The following ABCA13 variants were observed in gnomAD, a reference collection of about 807,000 sequenced individuals.
ABCA13 encodes ATP binding cassette subfamily A member 13.
Under a neutral mutation model 478.7 loss-of-function variants are expected in ABCA13, and 476 were observed. The ratio of observed to expected loss-of-function variants is 0.99; its 90% CI spans 0.92 to 1.07. The LOEUF is 1.07. ABCA13 is among the 50% of genes least tolerant of loss of function. The pLI, the probability that ABCA13 is intolerant of heterozygous loss-of-function variation, is 0.00. For synonymous variants in ABCA13, 2,252 were observed against 2,158.9 expected, an observed-to-expected ratio of 1.04 and a Z score of -1.20; for missense variants, 6,060 against 5,910.6, an observed-to-expected ratio of 1.03 and a Z score of -0.83.
chr7:48,511,591 C>A (rs1831689806), intron 51 of ABCA13, among the ~76,000 whole-genome samples: 1 of 152,136 alleles, frequency 6.6e-6, no homozygotes, highest in South Asian at 2.1e-4. Flanking sequence ...TTCTCCTCTC[C>A]TCTAATATTA....
intron 43 of ABCA13, among the ~76,000 whole-genome samples, chr7:48,458,513 G>A (rs1267172608): frequency 6.6e-6 from 1 of 152,178 alleles, no homozygotes; most frequent in Non-Finnish European, 1.5e-5. Flanking sequence ...GCTTTGTGCT[G>A]ATTTGGAAGA....
At chr7:48,437,137 C>T (rs1375609047) in intron 42 of ABCA13, among the ~76,000 whole-genome samples, 1 of 151,916 alleles carries the variant, frequency 6.6e-6, no homozygotes, top group Non-Finnish European at 1.5e-5. Context: ...CCTACTATTA[C>T]TATAGTGCTA....
intron 48 of ABCA13, among the ~76,000 whole-genome samples, chr7:48,503,088 G>A (rs912264647): frequency 2.6e-5 from 4 of 152,136 alleles, no homozygotes; most frequent in South Asian, 2.1e-4. Flanking sequence ...ACTTATGTAT[G>A]TATTTATTTA....
At chr7:48,310,604 A>G (rs989233172) in intron 24 of ABCA13, among the ~76,000 whole-genome samples, 1 of 152,118 alleles carries the variant, frequency 6.6e-6, no homozygotes, top group Non-Finnish European at 1.5e-5. Context: ...GGAAGCATCC[A>G]GCTCTGCCAG....
chr7:48,243,476 A>G (rs552548500), intron 10 of ABCA13, among the ~76,000 whole-genome samples: 19 of 152,330 alleles, frequency 1.2e-4, no homozygotes, highest in Non-Finnish European at 2.6e-4. Flanking sequence ...GAGTCTGGTC[A>G]GCAGCCAGAA....
At chr7:48,563,965 A>G (rs1786752780) in intron 55 of ABCA13, among the ~76,000 whole-genome samples, 1 of 152,072 alleles carries the variant, frequency 6.6e-6, no homozygotes, top group Non-Finnish European at 1.5e-5. Flanking sequence ...CAGGGACTAT[A>G]TTAACTCTTC....
In ABCA13 at chr7:48,248,226, T is replaced by C; in HGVS notation, c.1660-13T>C. 6.2e-7 allele frequency: 1 copy of C among 1,606,242 alleles called. No homozygotes were observed. The highest frequency in any genetic ancestry group is 8.5e-7 in the Non-Finnish European group (1 of 1,173,778). ...TTTATTTATTATAAGCAATATCTTC[T>C]TTTCTTGTTAAGGATCGTATTTTGC... On this transcript the variant is annotated splice_polypyrimidine_tract_variant and intron_variant, in intron 13 of 61. Transcript: ENST00000435803.
chr7:48,350,080 G>A (rs1050182207), intron 29 of ABCA13, among the ~76,000 whole-genome samples: 2 of 152,160 alleles, frequency 1.3e-5, no homozygotes, highest in Non-Finnish European at 2.9e-5. Flanking sequence ...AAGGTGTTGC[G>A]ACTTTACTCT....
chr7:48,594,513 C>A (rs6954644), intron 57 of ABCA13, among the ~76,000 whole-genome samples, 197 bp from the exon 58 acceptor site: 117,279 of 151,924 alleles, frequency 0.77, 46,068 homozygotes, highest in African/African-American at 0.92. Context: ...GGAGTCAGGC[C>A]CTCACTCATT....
chr7:48,249,394 C>A, intron 15 of ABCA13, 43 bp downstream of exon 15: 1 of 1,603,674 alleles, frequency 6.2e-7, no homozygotes, highest in Non-Finnish European at 8.5e-7. Context: ...GATGCTTTCC[C>A]CTTTTAGTGA....
At position 48,597,025 on chromosome 7, in the gene ABCA13, C is replaced by T; in HGVS notation, c.14744+2212C>T. ...GGAGTGCAGTGGCACGATCTTGGCT[C>T]ACTGCAAGCTCCGCCTCCTGGGTTC... On this transcript the variant is annotated intron_variant, in intron 58 of 61. Transcript: ENST00000435803. Among the ~76,000 whole-genome samples, 2 of 151,398 alleles carry T rather than the reference C, an allele frequency of 1.3e-5. 1 individual carries two copies. Among genetic ancestry groups the T allele is most frequent in the Middle Eastern group, 6.4e-3 (2 of 314 alleles).
chr7:48,313,571 C>T (rs933720245), intron 25 of ABCA13, among the ~76,000 whole-genome samples: 10 of 152,194 alleles, frequency 6.6e-5, no homozygotes, highest in African/African-American at 2.4e-4. Flanking sequence ...GAGCAAATTG[C>T]TTTCAAAAAC....
chr7:48,619,721 G>T (rs1156253486), intron 59 of ABCA13, among the ~76,000 whole-genome samples: 1 of 152,150 alleles, frequency 6.6e-6, no homozygotes, highest in Non-Finnish European at 1.5e-5. Flanking sequence ...GAAAAGCCGA[G>T]AAATCAAAGA....
At chr7:48,342,821 G>A (rs1030999414) in intron 29 of ABCA13, among the ~76,000 whole-genome samples, 4 of 151,620 alleles carry the variant, frequency 2.6e-5, no homozygotes, top group African/African-American at 7.3e-5. Flanking sequence ...TTTTTTAATC[G>A]ACAAATTCTC....
intron 27 of ABCA13, among the ~76,000 whole-genome samples, chr7:48,327,119 A>G (rs1203850095): frequency 1.3e-5 from 2 of 152,198 alleles, no homozygotes; most frequent in Admixed American, 6.5e-5. Context: ...CCGTCCTCAC[A>G]CTGCTATGAA....
chr7:48,260,483 C>T (rs149841079), intron 15 of ABCA13, among the ~76,000 whole-genome samples: 1,645 of 152,094 alleles, frequency 0.011, 8 homozygotes, highest in Admixed American at 0.019. Context: ...TAATTCAATG[C>T]GCAGGTTTAG....
chr7:48,524,109 T>A (rs771202373), intron 53 of ABCA13, 139 bp from the exon 54 acceptor site: 1 of 642,532 alleles, frequency 1.6e-6, no homozygotes, highest in African/African-American at 1.9e-5. Context: ...AGAACTGGGG[T>A]GCTCTGGACA....
chr7:48,356,209 A>T (rs1245603961), intron 31 of ABCA13, among the ~76,000 whole-genome samples: 1 of 151,860 alleles, frequency 6.6e-6, no homozygotes, highest in African/African-American at 2.4e-5. Flanking sequence ...ATAATCGACC[A>T]TTGGATTTAC....
chr7:48,368,997 G>T (rs893889600), intron 32 of ABCA13, among the ~76,000 whole-genome samples: 1 of 151,954 alleles, frequency 6.6e-6, no homozygotes, highest in Admixed American at 6.6e-5. Context: ...CATAGTGGTT[G>T]TACTAATTTA....
Sources: gnomAD v4.1 joint callset for allele counts (sites outside exome capture counted in the v4.1 genomes callset) on GRCh38, gnomAD v4.1.1 for gene constraint, MANE v1.5 for transcripts, NCBI Gene and HGNC (gene_info 2026-07-23, HGNC 2026-07-21) for gene names.